KDM4A: variants seen among roughly 807,000 people sequenced by gnomAD.
KDM4A encodes the protein lysine demethylase 4A.
KDM4A carries 23 observed loss-of-function variants against 127.1 expected under a neutral mutation model. That is an observed-to-expected ratio of 0.18 (90% CI 0.13 to 0.26). The LOEUF (loss-of-function observed/expected upper bound fraction) is 0.26, where lower values mean the gene tolerates loss of function less well. Ranked by LOEUF, KDM4A falls within the 10% of genes least tolerant of loss-of-function variation. The probability of loss-of-function intolerance (pLI) is 1.00; values close to 1 mark genes in which losing one functional copy is unlikely to be tolerated. For missense variants in KDM4A, 890 were observed against 1,329.1 expected (o/e 0.67, Z 5.14); for synonymous variants, 443 against 466.5 (o/e 0.95, Z 0.65).
In KDM4A at chr1:43,704,484, G is replaced by A; in HGVS notation, c.*114G>A. 1 of 1,155,176 alleles carries A rather than the reference G, an allele frequency of 8.7e-7. No individual in the cohort carries two copies. Among genetic ancestry groups the A allele is most frequent in the Non-Finnish European group, 1.2e-6 (1 of 807,698 alleles). The allele number at this position is 1,155,176 out of a possible 1,614,324, so 71.6% of individuals were successfully genotyped here. On this transcript the variant is annotated 3_prime_UTR_variant, in exon 22 of 22. Transcript: ENST00000372396. Reference sequence around the variant, plus strand: ...TGAAAGTGAAGTTGTAAAAAGAAAAGGAATGAAATAACCGACCCATCATCT... The same window carrying A: ...TGAAAGTGAAGTTGTAAAAAGAAAAAGAATGAAATAACCGACCCATCATCT...
chr1:43,697,817 T>A, intron 18 of KDM4A, 26 bp from the exon 19 acceptor site: 4 of 1,603,528 alleles, frequency 2.5e-6, no homozygotes, highest in Non-Finnish European at 3.4e-6. Context: ...CACGTGTGAG[T>A]AACCAAAGCC....
At chr1:43,685,917 G>T (rs1660963942) in intron 12 of KDM4A, among the ~76,000 whole-genome samples, 1 of 152,120 alleles carries the variant, frequency 6.6e-6, no homozygotes, top group Non-Finnish European at 1.5e-5. Context: ...GGTTCTCTGG[G>T]TAGCACCTGC....
intron 19 of KDM4A, among the ~76,000 whole-genome samples, chr1:43,701,792 A>C (rs1161831643): frequency 6.6e-6 from 1 of 152,074 alleles, no homozygotes; most frequent in Non-Finnish European, 1.5e-5. Context: ...TGGCCTAGTA[A>C]TTTTTTTCAA....
chr1:43,686,148 C>CTTTTTTTTTTTTTT (rs1422242136), intron 12 of KDM4A, among the ~76,000 whole-genome samples: 3 of 106,432 alleles, frequency 2.8e-5, no homozygotes, highest in Admixed American at 1.0e-4. Flanking sequence ...TTTTTTGTTT[C>CTTTTTTTTTTTTTT]TTGTTTTTTT....
Position 43,653,142 on chromosome 1 carries a change from T to G in KDM4A, c.-34T>G, listed in dbSNP as rs181842715. On this transcript the variant is annotated 5_prime_UTR_variant, in exon 2 of 22. Coordinates refer to ENST00000372396, the MANE Select transcript of KDM4A (RefSeq NM_014663.3). Reference sequence around the variant, plus strand: ...CTCTTAATGTGTTTCTTCAGATTCCTGTCTGACTAAAGGGACCTCAAAAAG... The same window carrying G: ...CTCTTAATGTGTTTCTTCAGATTCCGGTCTGACTAAAGGGACCTCAAAAAG... 2 of 1,576,786 alleles carry G rather than the reference T, an allele frequency of 1.3e-6. No individual in the cohort carries two copies. Among genetic ancestry groups the G allele is most frequent in the Non-Finnish European group, 1.7e-6 (2 of 1,160,170 alleles).
At chr1:43,676,476 A>G (rs1360433671) in intron 11 of KDM4A, among the ~76,000 whole-genome samples, 1 of 152,010 alleles carries the variant, frequency 6.6e-6, no homozygotes, top group Non-Finnish European at 1.5e-5. Flanking sequence ...GCCTGCCACC[A>G]TGCCCGGCTA....
intron 3 of KDM4A, among the ~76,000 whole-genome samples, chr1:43,659,615 G>A (rs1660325404): frequency 6.6e-6 from 1 of 152,156 alleles, no homozygotes; most frequent in Admixed American, 6.5e-5. Flanking sequence ...CCACACCCCT[G>A]GCCAAAGTGT....
chr1:43,665,828 G>T, intron 6 of KDM4A, 83 bp downstream of exon 6: 1 of 1,419,086 alleles, frequency 7.0e-7, no homozygotes, highest in South Asian at 1.2e-5. Flanking sequence ...CGTTCCCCAT[G>T]GTCAGATACT....
intron 13 of KDM4A, chr1:43,690,473 C>G: frequency 3.0e-6 from 1 of 336,778 alleles, no homozygotes; most frequent in African/African-American, 2.1e-5. Context: ...GTCTTGGACT[C>G]CTGACCTCTG....
intron 20 of KDM4A, 82 bp downstream of exon 20, chr1:43,703,818 G>C: frequency 6.4e-7 from 1 of 1,565,310 alleles, no homozygotes; most frequent in Non-Finnish European, 8.7e-7. Flanking sequence ...GCGAGTCTTT[G>C]CTCTTAGGAG....
At chr1:43,690,507 C>G (rs528176449) in intron 13 of KDM4A, 1 of 364,240 alleles carries the variant, frequency 2.7e-6, no homozygotes, top group East Asian at 6.6e-5. Flanking sequence ...CTCGGCCTCC[C>G]GAAGTGCTGG....
chr1:43,663,112 C>T (rs780619719), intron 5 of KDM4A, 25 bp downstream of exon 5: 27 of 1,597,264 alleles, frequency 1.7e-5, no homozygotes, highest in South Asian at 6.8e-5. Context: ...CAGTCGGCAC[C>T]GGGCTTCTAT....
intron 4 of KDM4A, 128 bp downstream of exon 4, chr1:43,660,540 C>A: frequency 7.5e-7 from 1 of 1,330,708 alleles, no homozygotes; most frequent in Non-Finnish European, 1.0e-6. Context: ...GATCTACCCC[C>A]AGCTGATGTT....
At chr1:43,686,708 T>C (rs144949933) in intron 12 of KDM4A, among the ~76,000 whole-genome samples, 110 of 152,342 alleles carry the variant, frequency 7.2e-4, no homozygotes, top group African/African-American at 2.5e-3. Context: ...TTTATAGTTA[T>C]TTCTTTTGAA....
intron 10 of KDM4A, among the ~76,000 whole-genome samples, 171 bp downstream of exon 10, chr1:43,669,470 T>C (rs1334045476): frequency 6.6e-6 from 1 of 152,074 alleles, no homozygotes; most frequent in Non-Finnish European, 1.5e-5. Flanking sequence ...CAGGGAGGAC[T>C]GGACACGTAG....
chr1:43,671,537 G>C lies in KDM4A; in HGVS notation c.1396G>C (p.Glu466Gln), dbSNP rs553622883. Residue 466 changes from glutamate to glutamine, a missense_variant, in exon 11 of 22, where the codon GAG (glutamate) becomes CAG (glutamine). Glu to Gln is a conservative substitution (Grantham distance 29). Transcript: ENST00000372396. Reference protein sequence around the residue: ...YSDSTEVKFEELKNVKLEEED... With the variant: ...YSDSTEVKFEQLKNVKLEEED... The stretch of plus-strand genomic sequence containing the variant: ...TGACTCCACTGAAGTCAAATTTGAA[G>C]AGCTTAAAAATGTCAAACTAGAAGA... 32 of 1,578,702 alleles carry C rather than the reference G, an allele frequency of 2.0e-5. No homozygotes were observed. Among genetic ancestry groups the C allele is most frequent in the Non-Finnish European group, 2.5e-5 (29 of 1,164,756 alleles).
chr1:43,691,110 G>A (rs1241520473), intron 14 of KDM4A, 61 bp downstream of exon 14: 2 of 1,549,664 alleles, frequency 1.3e-6, no homozygotes, highest in Non-Finnish European at 1.8e-6. Context: ...CTCACTGGAA[G>A]TTCTTGCCAC....
Position 43,694,094 on chromosome 1 carries a change from T to C in KDM4A, c.2476T>C (p.Phe826Leu). The C allele has an allele frequency of 6.2e-7, 1 of 1,613,120 alleles. No homozygotes were observed. The highest frequency in any genetic ancestry group is 8.5e-7 in the Non-Finnish European group (1 of 1,179,052). ...VDVSKIPLPR[F>L]KLKCIFCKKR... The stretch of plus-strand genomic sequence containing the variant: ...TGTGAGCAAAATCCCCCTGCCCCGC[T>C]TCAAACTGGTAAGGGCTTGTAGACT... The change falls in exon 17 of 22, where the codon TTC (phenylalanine) becomes CTC (leucine). Residue 826 changes from phenylalanine (F) to leucine (L), a missense_variant. Around this residue, in one of 7 missense-constraint regions of KDM4A, gnomAD observed 246 missense variants for 418.4 expected, o/e 0.59. Coordinates refer to ENST00000372396, the MANE Select transcript of KDM4A (RefSeq NM_014663.3). The surrounding 1 kb of genome is among the most constrained non-coding windows in gnomAD (Gnocchi z 5.2).
At chr1:43,659,710 GT>G (rs763248691) in intron 3 of KDM4A, among the ~76,000 whole-genome samples, 31 of 152,232 alleles carry the variant, frequency 2.0e-4, no homozygotes, top group Non-Finnish European at 3.4e-4. Flanking sequence ...AATATTGGAT[GT>G]GCAAAAATCT....
Sources: gnomAD v4.1 joint callset for allele counts (sites outside exome capture counted in the v4.1 genomes callset) on GRCh38, gnomAD v4.1.1 for gene constraint, gnomAD v4.1.1 regional missense constraint, Gnocchi (gnomAD v3.1) non-coding constraint, MANE v1.5 for transcripts, NCBI Gene and HGNC (gene_info 2026-07-23, HGNC 2026-07-21) for gene names.